Variants in RERE observed in about 807,000 individuals in gnomAD.
RERE encodes arginine-glutamic acid dipeptide repeats protein.
RERE carries 40 observed loss-of-function variants against 146.1 expected under a neutral mutation model. That is an observed-to-expected ratio of 0.27 (90% CI 0.21 to 0.36). The LOEUF (loss-of-function observed/expected upper bound fraction) is 0.36. RERE is among the 10% of genes least tolerant of loss of function. The probability of loss-of-function intolerance (pLI) is 1.00; values close to 1 mark genes in which losing one functional copy is unlikely to be tolerated. For missense variants in RERE, 1,933 were observed against 2,138.7 expected, an observed-to-expected ratio of 0.90 and a Z score of 1.90; for synonymous variants, 1,003 against 866.0, an observed-to-expected ratio of 1.16 and a Z score of -2.78.
intron 1 of RERE, among the ~76,000 whole-genome samples, chr1:8,727,150 G>A (rs1390209051): frequency 3.3e-5 from 5 of 149,560 alleles, no homozygotes; most frequent in Non-Finnish European, 5.9e-5. Context: ...TTTGGAGGGC[G>A]CGGGGTGGGG....
At chr1:8,504,611 T>G (rs954950277) in intron 8 of RERE, among the ~76,000 whole-genome samples, 1 of 152,136 alleles carries the variant, frequency 6.6e-6, no homozygotes, top group African/African-American at 2.4e-5. Context: ...CCCAGCACTT[T>G]GGGAGGCCAA....
intron 3 of RERE, 141 bp downstream of exon 3, chr1:8,624,169 C>T (rs993923248): frequency 1.5e-6 from 1 of 661,954 alleles, no homozygotes; most frequent in Non-Finnish European, 2.7e-6. Context: ...CATTTCAGTG[C>T]TACTGCCACG....
At chr1:8,649,074 A>G (rs1360384833) in intron 2 of RERE, among the ~76,000 whole-genome samples, 1 of 152,208 alleles carries the variant, frequency 6.6e-6, no homozygotes, top group Admixed American at 6.5e-5. Context: ...TGAAAACAGT[A>G]GAAAGAAATT....
At chr1:8,501,921 G>A (rs1328134744) in intron 8 of RERE, among the ~76,000 whole-genome samples, 14 of 79,602 alleles carry the variant, frequency 1.8e-4, no homozygotes, top group African/African-American at 2.5e-4. Context: ...CAGCCGCCCC[G>A]TCCGGGAGGG....
At chr1:8,511,302 C>T (rs1344535026) in intron 7 of RERE, among the ~76,000 whole-genome samples, 1 of 151,990 alleles carries the variant, frequency 6.6e-6, no homozygotes, top group Non-Finnish European at 1.5e-5. Flanking sequence ...GGGAAGAGTA[C>T]TAATAAGTAG....
At chr1:8,664,041 T>C (rs1367453356) in intron 1 of RERE, among the ~76,000 whole-genome samples, 2 of 152,158 alleles carry the variant, frequency 1.3e-5, no homozygotes, top group Non-Finnish European at 2.9e-5. Flanking sequence ...ACTAGTGTTA[T>C]CAGTTGTTAA....
intron 1 of RERE, chr1:8,786,145 GCTA>G: frequency 1.9e-6 from 1 of 513,308 alleles, no homozygotes; most frequent in South Asian, 1.9e-5. Flanking sequence ...CTTGAGAGCA[GCTA>G]CTGTTTATTT....
chr1:8,566,534 G>A (rs969314583), intron 4 of RERE, among the ~76,000 whole-genome samples: 1 of 151,944 alleles, frequency 6.6e-6, no homozygotes, highest in African/African-American at 2.4e-5. Flanking sequence ...GCAGAGAATT[G>A]CTTGAACCCA....
intron 4 of RERE, among the ~76,000 whole-genome samples, chr1:8,591,791 C>CT (rs1391378450): frequency 6.6e-6 from 1 of 152,232 alleles, no homozygotes; most frequent in Admixed American, 6.5e-5. Context: ...GCAGTTCACA[C>CT]TTACTATGCC....
At position 8,423,867 on chromosome 1, in the gene RERE, CGGGGCCCCGCGCCCCG is replaced by C. The variant is rs1170193318; in HGVS notation, c.1204-1076_1204-1061del. 1 of 183,350 alleles carries C rather than the reference CGGGGCCCCGCGCCCCG, an allele frequency of 5.5e-6. No individual in the cohort carries two copies. The highest frequency in any genetic ancestry group is 1.9e-4 in the East Asian group (1 of 5,194). 11.4% of individuals were successfully genotyped at this position (183,350 alleles called of 1,614,324 possible). On this transcript the variant is annotated intron_variant, in intron 11 of 22. Transcript: ENST00000400908. This position sits in a 1 kb window ranked among gnomAD's most constrained non-coding sequence, Gnocchi z 5.4. ...TGCCGCCGCCCTCCTGTCCGCCAGC[CGGGGCCCCGCGCCCCG>C]GCCCCGGCCCCGCCCCCGGCCCGAC...
At chr1:8,381,391 C>A (rs936961567) in intron 12 of RERE, among the ~76,000 whole-genome samples, 1 of 152,148 alleles carries the variant, frequency 6.6e-6, no homozygotes, top group African/African-American at 2.4e-5. Flanking sequence ...AGATCTATCA[C>A]AGACACACAG....
chr1:8,613,648 G>A (rs1274361974), intron 4 of RERE, among the ~76,000 whole-genome samples: 1 of 152,176 alleles, frequency 6.6e-6, no homozygotes, highest in Non-Finnish European at 1.5e-5. Context: ...GTGTGTCTAA[G>A]TGTGAGAGAG....
chr1:8,626,476 TC>T (rs1646974693), intron 2 of RERE, among the ~76,000 whole-genome samples: 1 of 152,130 alleles, frequency 6.6e-6, no homozygotes, highest in Non-Finnish European at 1.5e-5. Flanking sequence ...TTCCCCTTGA[TC>T]AAAAACTGCC....
At chr1:8,511,635 T>C (rs1230851331) in intron 7 of RERE, among the ~76,000 whole-genome samples, 1 of 152,184 alleles carries the variant, frequency 6.6e-6, no homozygotes, top group Non-Finnish European at 1.5e-5. Flanking sequence ...GAATATGAGC[T>C]GAAGGTGAAA....
At chr1:8,561,524 G>A (rs1160552011) in intron 4 of RERE, among the ~76,000 whole-genome samples, 1 of 152,118 alleles carries the variant, frequency 6.6e-6, no homozygotes, top group Non-Finnish European at 1.5e-5. Flanking sequence ...GAAAAGTGAA[G>A]GGGTGGAACA....
chr1:8,693,109 T>C (rs750991488), intron 1 of RERE, among the ~76,000 whole-genome samples: 53 of 152,288 alleles, frequency 3.5e-4, no homozygotes, highest in African/African-American at 1.2e-3. Context: ...GTAGCAAGTA[T>C]GTGGAGCAAC....
At chr1:8,773,848 G>C (rs555052084) in intron 1 of RERE, among the ~76,000 whole-genome samples, 1 of 152,270 alleles carries the variant, frequency 6.6e-6, no homozygotes, top group South Asian at 2.1e-4. Context: ...TCTAAAGTAA[G>C]TTACAATGCT....
At chr1:8,783,135 A>G (rs774757894) in intron 1 of RERE, among the ~76,000 whole-genome samples, 6 of 152,114 alleles carry the variant, frequency 3.9e-5, no homozygotes, top group African/African-American at 7.2e-5. Flanking sequence ...GGAGTTCAAG[A>G]CCAGCCTGGG....
At chr1:8,466,797 C>T (rs758601635) in intron 10 of RERE, among the ~76,000 whole-genome samples, 4 of 152,150 alleles carry the variant, frequency 2.6e-5, no homozygotes, top group East Asian at 1.9e-4. Flanking sequence ...TCTCACCCTG[C>T]GTCTTTTCAA....
Sources: gnomAD v4.1 joint callset for allele counts (sites outside exome capture counted in the v4.1 genomes callset) on GRCh38, gnomAD v4.1.1 for gene constraint, Gnocchi (gnomAD v3.1) non-coding constraint, MANE v1.5 for transcripts, NCBI Gene and HGNC (gene_info 2026-07-23, HGNC 2026-07-21) for gene names.